Variants in KIF13A observed in about 807,000 individuals in gnomAD.
KIF13A encodes the protein kinesin-like protein KIF13A.
Under a neutral mutation model 212.2 loss-of-function variants are expected in KIF13A, and 79 were observed. The ratio of observed to expected loss-of-function variants is 0.37; its 90% CI spans 0.31 to 0.45. The LOEUF (loss-of-function observed/expected upper bound fraction) is 0.45, where lower values mean the gene tolerates loss of function less well. KIF13A is among the 20% of genes least tolerant of loss of function. The probability of loss-of-function intolerance (pLI) is 1.00; values close to 1 mark genes in which losing one functional copy is unlikely to be tolerated. For synonymous variants in KIF13A, 789 were observed against 808.6 expected, an observed-to-expected ratio of 0.98 and a Z score of 0.41; for missense variants, 1,901 against 2,209.0, an observed-to-expected ratio of 0.86 and a Z score of 2.79.
At chr6:17,948,718 G>A (rs1777619518) in intron 2 of KIF13A, among the ~76,000 whole-genome samples, 1 of 151,584 alleles carries the variant, frequency 6.6e-6, no homozygotes, top group African/African-American at 2.4e-5. Context: ...CCACCACCAT[G>A]CCCGGCTAAT....
Position 17,873,357 on chromosome 6 carries a change from T to C in KIF13A, c.220+20A>G, listed in dbSNP as rs529580188. On this transcript the variant is annotated intron_variant, in intron 4 of 38. Coordinates refer to ENST00000259711, the MANE Select transcript of KIF13A (RefSeq NM_022113.6). ...AGAGGCCAGAAGCCCAACTGTCAGG[T>C]GTAGAGGGAGAAAACTTACCAGCGT... 1 of 1,557,054 alleles carries C rather than the reference T, an allele frequency of 6.4e-7. No homozygotes were observed. Among genetic ancestry groups the C allele is most frequent in the African/African-American group, 1.4e-5 (1 of 73,796 alleles).
chr6:17,960,411 A>G (rs1388709950), intron 2 of KIF13A, among the ~76,000 whole-genome samples: 1 of 152,234 alleles, frequency 6.6e-6, no homozygotes, highest in East Asian at 1.9e-4. Context: ...CTAAACTTTA[A>G]AACCAAGATG....
intron 9 of KIF13A, among the ~76,000 whole-genome samples, chr6:17,847,849 T>A (rs1329950160): frequency 2.0e-5 from 3 of 152,188 alleles, no homozygotes. Flanking sequence ...TTCACTCTTG[T>A]TGCCCAGGCT....
Position 17,804,380 on chromosome 6 carries a change from A to G in KIF13A, c.2435T>C (p.Ile812Thr). ...GCTTACCTCCCCCTGCTGGCTGATG[A>G]TAGGGACTGCATACTGAAGTTTCAC... Reference protein sequence around the residue: ...CDVKLQYAVPIISQQGEVAGR... With the variant: ...CDVKLQYAVPTISQQGEVAGR... The change falls in exon 20 of 39, where the codon ATC becomes ACC. Residue 812 changes from isoleucine (I) to threonine (T), a missense_variant. Coordinates refer to ENST00000259711, the MANE Select transcript of KIF13A (RefSeq NM_022113.6). 6.5e-7 allele frequency: 1 copy of G among 1,548,436 alleles called. No individual in the cohort carries two copies. The highest frequency in any genetic ancestry group is 8.7e-7 in the Non-Finnish European group (1 of 1,144,694).
rs755395302 is a variant in KIF13A, at chr6:17,778,935, T to G, written c.4092+12A>C. On this transcript the variant is annotated intron_variant, in intron 33 of 38. Transcript: ENST00000259711. ...GTGCTTTCATCCTCGGTCCAGATAT[T>G]CAGTTACTTGCCTGCCGGAGCCGTT... The G allele has an allele frequency of 6.4e-6, 10 of 1,566,272 alleles. No individual in the cohort carries two copies. In the South Asian group the frequency reaches 1.2e-4, roughly 18 times the overall value.
At chr6:17,761,311 T>A (rs1184112127), downstream of KIF13A, among the ~76,000 whole-genome samples, 1 of 152,182 alleles carries the variant, frequency 6.6e-6, no homozygotes. Context: ...AACTCCTGGG[T>A]TCATGCGATC....
At chr6:17,890,016 C>T (rs1263155389) in intron 3 of KIF13A, among the ~76,000 whole-genome samples, 1 of 151,850 alleles carries the variant, frequency 6.6e-6, no homozygotes, top group African/African-American at 2.4e-5. Flanking sequence ...GGGAAAAACC[C>T]TGTCTTTACT....
At chr6:17,896,767 G>A (rs1772604519) in intron 3 of KIF13A, among the ~76,000 whole-genome samples, 1 of 152,138 alleles carries the variant, frequency 6.6e-6, no homozygotes, top group Non-Finnish European at 1.5e-5. Context: ...ATGTTTTTGT[G>A]TCTCTTTTTC....
rs185180767 is a variant in KIF13A at position 17,951,928 on chromosome 6, T to C, written c.146+35126A>G. Among the ~76,000 whole-genome samples the C allele has an allele frequency of 7.9e-5, 12 of 152,362 alleles. No homozygotes were observed. Among genetic ancestry groups the C allele is most frequent in the Non-Finnish European group, 1.5e-5 (1 of 68,046 alleles). On this transcript the variant is annotated intron_variant, in intron 2 of 38. Coordinates refer to ENST00000259711, the MANE Select transcript of KIF13A (RefSeq NM_022113.6). This position sits in a 1 kb window ranked among gnomAD's most constrained non-coding sequence, Gnocchi z 4.9. ...TTTTGTAGCCTTCCAAAAAATACCT[T>C]TATTTACAATTTTTGTAGAAGCAAT...
rs1315689632 is a variant in KIF13A at position 17,779,240 on chromosome 6, T to C, written c.3940-141A>G. The stretch of plus-strand genomic sequence containing the variant: ...TACTGATATTTTTTAAAGTAGCATA[T>C]ATATATATATATATATATTTTTTTT... On this transcript the variant is annotated intron_variant, in intron 32 of 38. Coordinates refer to ENST00000259711, the MANE Select transcript of KIF13A (RefSeq NM_022113.6). 2.0e-5 allele frequency: 3 copies of C among 146,480 alleles called. 1 individual carries two copies. Among genetic ancestry groups the C allele is most frequent in the South Asian group, 8.7e-5 (1 of 11,458 alleles). The allele number at this position is 146,480 out of a possible 1,614,324, so 9.1% of individuals were successfully genotyped here.
intron 2 of KIF13A, among the ~76,000 whole-genome samples, chr6:17,940,708 T>C (rs1776881978): frequency 6.6e-6 from 1 of 152,176 alleles, no homozygotes; most frequent in Non-Finnish European, 1.5e-5. Flanking sequence ...TAAAAGAAGA[T>C]TATTTGCATT....
chr6:17,951,437 T>TAAAAAA lies in KIF13A; in HGVS notation c.146+35611_146+35616dup. On this transcript the variant is annotated intron_variant, in intron 2 of 38. Coordinates refer to ENST00000259711, the MANE Select transcript of KIF13A (RefSeq NM_022113.6). The surrounding 1 kb of genome is among the most constrained non-coding windows in gnomAD (Gnocchi z 4.9). ...TGAGCCACTGTGACCAGCCTCAATT[T>TAAAAAA]AAAAAAAAAAAAAAAACAGCTTTAA... 2.1e-6 allele frequency: 1 copy of TAAAAAA among 477,466 alleles called. No individual in the cohort carries two copies. Among genetic ancestry groups the TAAAAAA allele is most frequent in the Non-Finnish European group, 3.7e-6 (1 of 269,754 alleles). 29.6% of individuals were successfully genotyped at this position (477,466 alleles called of 1,614,324 possible). A position where few individuals can be genotyped will look rare whatever the true frequency, so the allele number is the denominator to read the frequency against.
At chr6:17,904,466 TTAAAAA>T (rs1773320587) in intron 2 of KIF13A, among the ~76,000 whole-genome samples, 1 of 152,092 alleles carries the variant, frequency 6.6e-6, no homozygotes, top group African/African-American at 2.4e-5. Context: ...AGACTGTGAC[TTAAAAA>T]TAAAAAAGAA....
rs1561972601 is a variant in KIF13A at position 17,787,924 on chromosome 6, A to C, written c.3262-49T>G. 1.0e-6 allele frequency: 1 copy of C among 993,670 alleles called. No individual in the cohort carries two copies. The highest frequency in any genetic ancestry group is 2.4e-5 in the East Asian group (1 of 41,810). 61.6% of individuals were successfully genotyped at this position (993,670 alleles called of 1,614,324 possible). ...TTTCCTGTAGACTGCACAGACAACG[A>C]TTTCTTTCTTTCTTTTTTTAAAAGA... On this transcript the variant is annotated intron_variant, in intron 26 of 38. Transcript: ENST00000259711. This position sits in a 1 kb window ranked among gnomAD's most constrained non-coding sequence, Gnocchi z 4.6.
In KIF13A at chr6:17,763,817, G is replaced by A. The variant is rs1363612505; in HGVS notation, c.*293C>T. ...TGGTAGATGCTACCAGAACACTTTG[G>A]GAAAACTGGTAACTAAACATCCCAG... On this transcript the variant is annotated 3_prime_UTR_variant, in exon 39 of 39. Coordinates refer to ENST00000259711, the MANE Select transcript of KIF13A (RefSeq NM_022113.6). The A allele has an allele frequency of 8.3e-7, 1 of 1,200,288 alleles. No homozygotes were observed. Among genetic ancestry groups the A allele is most frequent in the Non-Finnish European group, 1.0e-6 (1 of 963,458 alleles). The allele number at this position is 1,200,288 out of a possible 1,614,324, so 74.4% of individuals were successfully genotyped here.
rs1759645469 is a variant in KIF13A, at chr6:17,773,207, G to A, written c.4324+271C>T. On this transcript the variant is annotated intron_variant, in intron 36 of 38. Coordinates refer to ENST00000259711, the MANE Select transcript of KIF13A (RefSeq NM_022113.6). This position sits in a 1 kb window ranked among gnomAD's most constrained non-coding sequence, Gnocchi z 4.2. Reference sequence around the variant, plus strand: ...TTGTATGTGTCTCAAAACTGGACTTGAAAGTCAGGAAATGATGACAAAAAA... The same window carrying A: ...TTGTATGTGTCTCAAAACTGGACTTAAAAGTCAGGAAATGATGACAAAAAA... Among the ~76,000 whole-genome samples the A allele has an allele frequency of 6.6e-6, 1 of 152,086 alleles. No homozygotes were observed. The highest frequency in any genetic ancestry group is 2.1e-4 in the South Asian group (1 of 4,828).
chr6:17,949,123 G>A (rs562534939), intron 2 of KIF13A, among the ~76,000 whole-genome samples: 1 of 152,226 alleles, frequency 6.6e-6, no homozygotes, highest in Admixed American at 6.5e-5. Context: ...AAAACTCGCC[G>A]ACCACTATAC....
chr6:17,835,759 G>C (rs916631804), intron 11 of KIF13A, among the ~76,000 whole-genome samples: 1 of 152,106 alleles, frequency 6.6e-6, no homozygotes, highest in African/African-American at 2.4e-5. Flanking sequence ...TCACCTTTTT[G>C]TTTTTTCAGT....
At chr6:17,791,350 C>T (rs944148960) in intron 25 of KIF13A, among the ~76,000 whole-genome samples, 1 of 151,158 alleles carries the variant, frequency 6.6e-6, no homozygotes, top group African/African-American at 2.4e-5. Context: ...TTGGTTTCAG[C>T]TACTGCATGA....
Sources: allele counts gnomAD v4.1 joint callset (sites outside exome capture counted in the v4.1 genomes callset), GRCh38; gene constraint gnomAD v4.1.1; non-coding constraint Gnocchi (gnomAD v3.1); transcripts MANE v1.5; gene names NCBI Gene and HGNC (gene_info 2026-07-23, HGNC 2026-07-21).